Variants in SCAPER observed in about 807,000 individuals in gnomAD.
The protein encoded by SCAPER is S-phase cyclin A associated protein in the ER, also known as S phase cyclin A-associated protein in the endoplasmic reticulum.
In SCAPER, 98 loss-of-function variants were observed where a neutral mutation model predicts 182.2. The ratio of observed to expected loss-of-function variants is 0.54; its 90% CI spans 0.46 to 0.64. The LOEUF is 0.64. Ranked by LOEUF, SCAPER falls within the 30% of genes least tolerant of loss-of-function variation. SCAPER has a pLI of 0.00. For missense variants in SCAPER, 1,432 were observed against 1,690.0 expected (o/e 0.85, Z 2.68); for synonymous variants, 605 against 564.6 (o/e 1.07, Z -1.01).
At position 76,832,617 on chromosome 15, in the gene SCAPER, G is replaced by A. The variant is rs375188551; in HGVS notation, c.393+9117C>T. ...ATCTCAAGTTCAATTGTAATCCCCA[G>A]TGCTGGAGGGCCTAGTGGGAGGTGA... is the stretch of plus-strand genomic sequence containing the variant. On this transcript the variant is annotated intron_variant, in intron 5 of 31. Coordinates refer to ENST00000563290, the MANE Select transcript of SCAPER (RefSeq NM_020843.4). Among the ~76,000 whole-genome samples, 29 of 152,268 alleles carry A rather than the reference G, an allele frequency of 1.9e-4. 1 individual carries two copies. The East Asian group carries it at 2.7e-3, about 14-fold the overall frequency.
At chr15:76,456,484 T>C (rs1283912509) in intron 25 of SCAPER, among the ~76,000 whole-genome samples, 2 of 152,234 alleles carry the variant, frequency 1.3e-5, no homozygotes, top group Non-Finnish European at 2.9e-5. Flanking sequence ...GCTCTTTAAA[T>C]GTATTAAAAC....
intron 22 of SCAPER, among the ~76,000 whole-genome samples, chr15:76,613,422 G>A (rs2051174264): frequency 6.6e-6 from 1 of 152,086 alleles, no homozygotes; most frequent in African/African-American, 2.4e-5. Flanking sequence ...ACTGACAAAT[G>A]GTATCTCATT....
intron 27 of SCAPER, among the ~76,000 whole-genome samples, chr15:76,388,853 C>T (rs753808664): frequency 2.3e-4 from 35 of 150,796 alleles, no homozygotes; most frequent in Non-Finnish European, 5.0e-4. Context: ...CCCAGCTACT[C>T]GGGAGGCTGA....
chr15:76,560,129 T>A (rs950437310), intron 23 of SCAPER, among the ~76,000 whole-genome samples: 2 of 152,076 alleles, frequency 1.3e-5, no homozygotes, highest in African/African-American at 4.8e-5. Flanking sequence ...CAAATTTACA[T>A]GTAGAAACTT....
rs371871429 is a variant in SCAPER, at chr15:76,401,258, C to T, written c.3467+3266G>A. ...CCTAATTTGAAGACTGTGCTATCTA[C>T]CATTCAAAATTTTATAGTCAGAAAC... is the stretch of plus-strand genomic sequence containing the variant. On this transcript the variant is annotated intron_variant, in intron 27 of 31. Coordinates refer to ENST00000563290, the MANE Select transcript of SCAPER (RefSeq NM_020843.4). Among the ~76,000 whole-genome samples, 3 of 152,068 alleles carry T rather than the reference C, an allele frequency of 2.0e-5. 1 individual carries two copies. The highest frequency in any genetic ancestry group is 6.5e-5 in the Admixed American group (1 of 15,270).
chr15:76,862,265 T>C, intron 3 of SCAPER, 151 bp downstream of exon 3: 2 of 520,562 alleles, frequency 3.8e-6, no homozygotes, highest in Non-Finnish European at 6.8e-6. Context: ...TAAAACCATG[T>C]GTGTATAAAA....
intron 4 of SCAPER, among the ~76,000 whole-genome samples, chr15:76,843,879 A>G (rs1019437209): frequency 1.3e-5 from 2 of 152,208 alleles, no homozygotes; most frequent in Non-Finnish European, 2.9e-5. Context: ...CAAAAAGAAT[A>G]GCAGTGGTAA....
chr15:76,844,759 G>A (rs1476856589), intron 4 of SCAPER, among the ~76,000 whole-genome samples: 1 of 152,014 alleles, frequency 6.6e-6, no homozygotes, highest in Non-Finnish European at 1.5e-5. Context: ...GGCCCTGAAG[G>A]CTTCACTGCT....
chr15:76,705,764 G>T (rs1567859261), intron 18 of SCAPER, 139 bp downstream of exon 18: 1 of 596,244 alleles, frequency 1.7e-6, no homozygotes, highest in Non-Finnish European at 2.7e-6. Flanking sequence ...AGTTAGAAAT[G>T]ATTGTAGCAA....
intron 21 of SCAPER, among the ~76,000 whole-genome samples, chr15:76,643,946 A>T (rs982604899): frequency 2.0e-5 from 3 of 152,194 alleles, no homozygotes; most frequent in Non-Finnish European, 4.4e-5. Context: ...GATGATTGTG[A>T]TGCAGGATCT....
intron 2 of SCAPER, among the ~76,000 whole-genome samples, chr15:76,879,691 C>G (rs1161914334): frequency 6.6e-6 from 1 of 152,132 alleles, no homozygotes; most frequent in Non-Finnish European, 1.5e-5. Context: ...CTACTGAAAG[C>G]ATTCTAAGAG....
chr15:76,615,819 C>CAA (rs61031189), intron 22 of SCAPER, among the ~76,000 whole-genome samples: 10,317 of 82,154 alleles, frequency 0.13, 554 homozygotes, highest in Middle Eastern at 0.18. Context: ...GATTCCATCT[C>CAA]AAAAAAAAAA....
intron 23 of SCAPER, among the ~76,000 whole-genome samples, chr15:76,517,703 A>T (rs1178215869): frequency 6.6e-6 from 1 of 152,118 alleles, no homozygotes; most frequent in Non-Finnish European, 1.5e-5. Flanking sequence ...AAGAAATTAT[A>T]TTGGTAGTAT....
chr15:76,633,188 C>T (rs1008615942), intron 21 of SCAPER, among the ~76,000 whole-genome samples: 7 of 152,158 alleles, frequency 4.6e-5, no homozygotes, highest in African/African-American at 1.7e-4. Flanking sequence ...TGTAGGGCTG[C>T]TGCCATTTGC....
At chr15:76,678,002 T>C (rs548152453) in intron 20 of SCAPER, among the ~76,000 whole-genome samples, 1 of 152,146 alleles carries the variant, frequency 6.6e-6, no homozygotes, top group Non-Finnish European at 1.5e-5. Flanking sequence ...TCAAGTGTTG[T>C]CTCAAACACA....
intron 4 of SCAPER, 72 bp from the exon 5 acceptor site, chr15:76,842,003 T>C: frequency 2.3e-6 from 3 of 1,327,420 alleles, no homozygotes; most frequent in Non-Finnish European, 3.1e-6. Flanking sequence ...TTTATAAAGA[T>C]TCAATCAACT....
At chr15:76,821,512 C>G (rs550685848) in intron 5 of SCAPER, among the ~76,000 whole-genome samples, 1 of 152,262 alleles carries the variant, frequency 6.6e-6, no homozygotes, top group Admixed American at 6.5e-5. Context: ...GTCCCAGCTA[C>G]TAGAGAGGCT....
intron 20 of SCAPER, among the ~76,000 whole-genome samples, chr15:76,676,648 C>T (rs1425315364): frequency 6.6e-6 from 1 of 151,892 alleles, no homozygotes; most frequent in Non-Finnish European, 1.5e-5. Flanking sequence ...AATTATGGCA[C>T]ATGCATTGAG....
chr15:76,392,568 T>TACACAC (rs5813838), intron 27 of SCAPER, among the ~76,000 whole-genome samples: 1 of 150,158 alleles, frequency 6.7e-6, no homozygotes, highest in East Asian at 2.0e-4. Context: ...AGAGCTCGTC[T>TACACAC]ACACACACAC....
Sources: gnomAD v4.1 joint callset for allele counts (sites outside exome capture counted in the v4.1 genomes callset) on GRCh38, gnomAD v4.1.1 for gene constraint, MANE v1.5 for transcripts, NCBI Gene and HGNC (gene_info 2026-07-23, HGNC 2026-07-21) for gene names.